SBF1: variants seen among roughly 807,000 people sequenced by gnomAD.
SBF1 encodes the protein myotubularin-related protein 5.
SBF1 carries 65 observed loss-of-function variants against 215.8 expected under a neutral mutation model. The ratio of observed to expected loss-of-function variants is 0.30; its 90% CI spans 0.25 to 0.37. The LOEUF (loss-of-function observed/expected upper bound fraction) is 0.37. Among genes scored for constraint, SBF1 ranks in the 10% least tolerant of loss-of-function variants. SBF1 has a pLI of 1.00. For synonymous variants in SBF1, 1,410 were observed against 1,122.8 expected (o/e 1.26, Z -5.11); for missense variants, 2,634 against 2,667.8 (o/e 0.99, Z 0.28).
rs1378760080 is a variant in SBF1, at chr22:50,465,989, T to G, written c.983A>C (p.Gln328Pro). ...GCTCAGCACACTGTGCGTCTGACTCTGCAGTGGCTCTGGCAAGGGTGGAAT... is the reference window on the plus strand; with the variant it reads ...GCTCAGCACACTGTGCGTCTGACTCGGCAGTGGCTCTGGCAAGGGTGGAAT... ...VHIPPLPEPLQSQTHSVLSMV... is the reference protein window; with the variant it reads ...VHIPPLPEPLPSQTHSVLSMV... Residue 328 changes from glutamine to proline, a missense_variant, in exon 9 of 41, where the codon CAG (glutamine) becomes CCG (proline). Coordinates refer to ENST00000380817, the MANE Select transcript of SBF1 (RefSeq NM_002972.4). The G allele has an allele frequency of 6.2e-7, 1 of 1,614,026 alleles. No individual in the cohort carries two copies. Among genetic ancestry groups the G allele is most frequent in the East Asian group, 2.2e-5 (1 of 44,886 alleles).
chr22:50,460,435 TGA>T, intron 24 of SBF1, 27 bp from the exon 25 acceptor site: 2 of 1,602,170 alleles, frequency 1.2e-6, no homozygotes, highest in Non-Finnish European at 1.7e-6. Flanking sequence ...TCAGCAAAGG[TGA>T]GAGGAGGAGG....
intron 1 of SBF1, among the ~76,000 whole-genome samples, chr22:50,471,551 A>G (rs1186076112): frequency 1.3e-5 from 2 of 152,122 alleles, no homozygotes; most frequent in African/African-American, 2.4e-5. Context: ...GAACCCAGCT[A>G]TAGGAAAAGA....
In SBF1 at chr22:50,454,628, G is replaced by A. The variant is rs202049257; in HGVS notation, c.4927C>T (p.Pro1643Ser). The change falls in exon 36 of 41, where the codon CCC becomes TCC. Residue 1643 changes from proline to serine, a missense_variant. Pro to Ser is a moderately conservative substitution (Grantham distance 74). Coordinates refer to ENST00000380817, the MANE Select transcript of SBF1 (RefSeq NM_002972.4). ...CCATCAGACCGTTCTTCCTCTGGGG[G>A]TTCAGGGGGCCCCTGGGCCAGTTCC... is the stretch of plus-strand genomic sequence containing the variant. Reference protein sequence around the residue: ...DWELAQGPPEPPEEERSDGGA... With the variant: ...DWELAQGPPESPEEERSDGGA... 1.4e-5 allele frequency: 22 copies of A among 1,602,496 alleles called. No individual in the cohort carries two copies. The highest frequency in any genetic ancestry group is 1.7e-5 in the Non-Finnish European group (20 of 1,174,196).
At position 50,453,764 on chromosome 22, in the gene SBF1, G is replaced by A. The variant is rs534767289; in HGVS notation, c.5043+748C>T. On this transcript the variant is annotated intron_variant, in intron 36 of 40. Coordinates refer to ENST00000380817, the MANE Select transcript of SBF1 (RefSeq NM_002972.4). ...ATCGCGCCACTACACTCCAGCCTGGGCGACAGAGCGAGACTCCATCTCAAA... is the reference window on the plus strand; with the variant it reads ...ATCGCGCCACTACACTCCAGCCTGGACGACAGAGCGAGACTCCATCTCAAA... Among the ~76,000 whole-genome samples, 3 of 152,192 alleles carry A rather than the reference G, an allele frequency of 2.0e-5. No homozygotes were observed. In the South Asian group the frequency reaches 6.2e-4, roughly 32 times the overall value.
intron 16 of SBF1, among the ~76,000 whole-genome samples, 160 bp downstream of exon 16, chr22:50,463,123 T>C (rs2067592245): frequency 6.6e-6 from 1 of 152,036 alleles, no homozygotes; most frequent in Non-Finnish European, 1.5e-5. Flanking sequence ...CCCCCAACAA[T>C]GGTTCTCTCC....
rs2067258685 is a variant in SBF1, at chr22:50,456,546, G to T, written c.4032C>A (p.Phe1344Leu). 2.5e-6 allele frequency: 4 copies of T among 1,590,412 alleles called. No individual in the cohort carries two copies. Among genetic ancestry groups the T allele is most frequent in the South Asian group, 2.3e-5 (2 of 87,520 alleles). ...QANGGPPDPG[F>L]LRPQRAALYI... ...AGAGGGCTGCTCGCTGCGGACGCAGGAAGCCCGGGTCGGGAGGGCCCCCGT... is the reference window on the plus strand; with the variant it reads ...AGAGGGCTGCTCGCTGCGGACGCAGTAAGCCCGGGTCGGGAGGGCCCCCGT... The change falls in exon 30 of 41, where the codon TTC becomes TTA. Residue 1344 changes from phenylalanine to leucine, a missense_variant. By Grantham distance (22) the Phe-to-Leu change is conservative. Coordinates refer to ENST00000380817, the MANE Select transcript of SBF1 (RefSeq NM_002972.4).
chr22:50,474,752 C>G, intron 1 of SBF1, 34 bp downstream of exon 1: 1 of 1,449,498 alleles, frequency 6.9e-7, no homozygotes, highest in South Asian at 1.3e-5. Context: ...CGACCCTCGG[C>G]CCCCGGCCCT....
rs2067442387 is a variant in SBF1, at chr22:50,460,165, C to T, written c.3284-6G>A. ...GGGCTCCAGCTCCTCCGACACTGCA[C>T]AGGCCGGGCACACGTGGTCATCACG... On this transcript the variant is annotated splice_polypyrimidine_tract_variant and splice_region_variant and intron_variant, in intron 25 of 40. Coordinates refer to ENST00000380817, the MANE Select transcript of SBF1 (RefSeq NM_002972.4). 1.2e-6 allele frequency: 2 copies of T among 1,610,546 alleles called. No homozygotes were observed. Among genetic ancestry groups the T allele is most frequent in the Non-Finnish European group, 8.5e-7 (1 of 1,179,848 alleles).
intron 29 of SBF1, 119 bp downstream of exon 29, chr22:50,456,915 G>T: frequency 1.1e-6 from 1 of 896,734 alleles, no homozygotes; most frequent in South Asian, 2.1e-5. Flanking sequence ...GGGCTCGGGA[G>T]ACGGGTCGTT....
chr22:50,448,654 G>A lies in SBF1; in HGVS notation c.5044-4C>T, dbSNP rs2148553317. ...CTGTCTCCAGCCTCTGCAGCTCCTG[G>A]GGGAAGAATTAATGGCAAGTTTATT... On this transcript the variant is annotated splice_region_variant and splice_polypyrimidine_tract_variant and intron_variant, in intron 36 of 40. Transcript: ENST00000380817. The A allele has an allele frequency of 6.2e-7, 1 of 1,605,754 alleles. No individual in the cohort carries two copies. Among genetic ancestry groups the A allele is most frequent in the East Asian group, 2.2e-5 (1 of 44,878 alleles).
rs775701760 is a variant in SBF1, at chr22:50,455,343, C to T, written c.4435G>A (p.Val1479Met). The T allele has an allele frequency of 8.1e-6, 13 of 1,613,500 alleles. No individual in the cohort carries two copies. The highest frequency in any genetic ancestry group is 6.7e-5 in the African/African-American group (5 of 74,930). Residue 1479 changes from valine to methionine, a missense_variant, in exon 33 of 41, where the codon GTG (valine) becomes ATG (methionine). Transcript: ENST00000380817. Reference sequence around the variant, plus strand: ...CCGAAGGACAGCCACTCCTTCTCCACCAGCAGGCGAAAGCCCTCCAGCGTG... The same window carrying T: ...CCGAAGGACAGCCACTCCTTCTCCATCAGCAGGCGAAAGCCCTCCAGCGTG... ...YRTLEGFRLL[V>M]EKEWLSFGHR... is the part of the protein sequence containing the mutation.
chr22:50,461,061 T>C, intron 23 of SBF1, 98 bp downstream of exon 23: 1 of 1,449,042 alleles, frequency 6.9e-7, no homozygotes, highest in Non-Finnish European at 9.2e-7. Flanking sequence ...GGGCCACTGC[T>C]GGAGACTGGC....
chr22:50,458,687 G>C (rs2067365770), intron 28 of SBF1, among the ~76,000 whole-genome samples: 1 of 152,260 alleles, frequency 6.6e-6, no homozygotes, highest in South Asian at 2.1e-4. Context: ...GTCTAGCTCA[G>C]TGTGTGCAGG....
Position 50,455,585 on chromosome 22 carries a change from G to A in SBF1, c.4267-3C>T, listed in dbSNP as rs1336015306. The A allele has an allele frequency of 2.0e-5, 32 of 1,565,674 alleles. No homozygotes were observed. The highest frequency in any genetic ancestry group is 2.6e-5 in the Non-Finnish European group (30 of 1,155,286). On this transcript the variant is annotated splice_region_variant and splice_polypyrimidine_tract_variant and intron_variant, in intron 31 of 40. Transcript: ENST00000380817. Reference sequence around the variant, plus strand: ...GACACCTGCAGCAGCTTGTGGATCTGCAGGGACAGGCGGCCTCAGCACCTC... The same window carrying A: ...GACACCTGCAGCAGCTTGTGGATCTACAGGGACAGGCGGCCTCAGCACCTC...
intron 1 of SBF1, 55 bp downstream of exon 1, chr22:50,474,731 C>T: frequency 1.4e-6 from 2 of 1,406,308 alleles, no homozygotes; most frequent in Non-Finnish European, 1.9e-6. Context: ...CAGCCCCTGG[C>T]CCTCAGCACT....
chr22:50,469,795 T>C (rs1466822134), intron 1 of SBF1, among the ~76,000 whole-genome samples: 4 of 146,678 alleles, frequency 2.7e-5, no homozygotes, highest in African/African-American at 5.1e-5. Context: ...TGCCTGGTCC[T>C]CCTGGGAACA....
At position 50,461,273 on chromosome 22, in the gene SBF1, C is replaced by A. The variant is rs781766644; in HGVS notation, c.2853G>T (p.Val951=). ...CAGCCACCGGGAAGGAGCGGACCAC[C>A]ACCTGCTCCCCAACTTAGGACAGGC... ...MPTDPLVGEQ[V]VVRSFPVAAL... is the part of the protein sequence containing the mutation. Residue 951 remains valine (V), a synonymous_variant, in exon 23 of 41, where the codon GTG becomes GTT. Transcript: ENST00000380817. 1.2e-6 allele frequency: 2 copies of A among 1,611,274 alleles called. No homozygotes were observed. Among genetic ancestry groups the A allele is most frequent in the Non-Finnish European group, 1.7e-6 (2 of 1,178,272 alleles).
Position 50,464,585 on chromosome 22 carries a change from G to A in SBF1, c.1585C>T (p.Pro529Ser). Reference sequence around the variant, plus strand: ...GTCCTCCTCTCGGCCTTCACAGCTGGGGGTGCACCCTGCATCTTGGCTGCA... The same window carrying A: ...GTCCTCCTCTCGGCCTTCACAGCTGAGGGTGCACCCTGCATCTTGGCTGCA... ...QAAAKMQGAP[P>S]AVKAERRTTV... Residue 529 changes from proline to serine, a missense_variant, in exon 14 of 41, where the codon CCA becomes TCA. By Grantham distance (74) the Pro-to-Ser change is moderately conservative. Coordinates refer to ENST00000380817, the MANE Select transcript of SBF1 (RefSeq NM_002972.4). The A allele has an allele frequency of 6.2e-7, 1 of 1,612,234 alleles. No individual in the cohort carries two copies. The highest frequency in any genetic ancestry group is 8.5e-7 in the Non-Finnish European group (1 of 1,179,786).
intron 14 of SBF1, 29 bp from the exon 15 acceptor site, chr22:50,464,470 C>CCCCTGA: frequency 6.2e-7 from 1 of 1,605,982 alleles, no homozygotes; most frequent in East Asian, 2.2e-5. Flanking sequence ...CACACTCGGA[C>CCCCTGA]CCCTGACCCC....
Sources: allele counts gnomAD v4.1 joint callset (sites outside exome capture counted in the v4.1 genomes callset), GRCh38; gene constraint gnomAD v4.1.1; transcripts MANE v1.5; gene names NCBI Gene and HGNC (gene_info 2026-07-23, HGNC 2026-07-21).